Variants in PLCL1 observed in about 807,000 individuals in gnomAD.
The protein encoded by PLCL1 is phospholipase C like 1 (inactive).
PLCL1 carries 41 observed loss-of-function variants against 84.4 expected under a neutral mutation model. That is an observed-to-expected ratio of 0.49 (90% CI 0.38 to 0.63). PLCL1 has a LOEUF of 0.63. PLCL1 is among the 30% of genes least tolerant of loss of function. The pLI is 0.00. For synonymous variants in PLCL1, 490 were observed against 488.3 expected (o/e 1.00, Z -0.05); for missense variants, 1,206 against 1,367.8 (o/e 0.88, Z 1.87).
chr2:198,026,331 T>A (rs1449852574), intron 1 of PLCL1, among the ~76,000 whole-genome samples: 1 of 152,258 alleles, frequency 6.6e-6, no homozygotes, highest in African/African-American at 2.4e-5. Context: ...TTTTCCTTTA[T>A]GGAGTCTATT....
At chr2:198,076,500 G>A (rs1692579009) in intron 1 of PLCL1, among the ~76,000 whole-genome samples, 1 of 152,160 alleles carries the variant, frequency 6.6e-6, no homozygotes, top group Non-Finnish European at 1.5e-5. Context: ...CTTAGAAGAT[G>A]GTGTAGACAA....
At chr2:198,127,622 T>A (rs1056022110) in intron 5 of PLCL1, among the ~76,000 whole-genome samples, 1 of 152,198 alleles carries the variant, frequency 6.6e-6, no homozygotes, top group African/African-American at 2.4e-5. Flanking sequence ...TTTAAATGCC[T>A]ATTTACACAG....
At chr2:198,041,076 G>A (rs1347898655) in intron 1 of PLCL1, among the ~76,000 whole-genome samples, 1 of 152,198 alleles carries the variant, frequency 6.6e-6, no homozygotes, top group Non-Finnish European at 1.5e-5. Flanking sequence ...GCTGCCAGCA[G>A]TGTTAGCCTG....
At position 197,894,450 on chromosome 2, in the gene PLCL1, A is replaced by G. The variant is rs532737672; in HGVS notation, c.240+89111A>G. On this transcript the variant is annotated intron_variant, in intron 1 of 5. Coordinates refer to ENST00000428675, the MANE Select transcript of PLCL1 (RefSeq NM_006226.4). ...CACTTCTGGGGAAAGTCAAATTTAA[A>G]GAACTATAATTACATGGGAGAAGAG... 3.2e-4 allele frequency among the ~76,000 whole-genome samples: 49 copies of G among 152,150 alleles called. 1 individual carries two copies. In the South Asian group the frequency reaches 3.7e-3, roughly 12 times the overall value.
At chr2:197,973,646 G>A (rs771232571) in intron 1 of PLCL1, among the ~76,000 whole-genome samples, 1 of 152,164 alleles carries the variant, frequency 6.6e-6, no homozygotes, top group Non-Finnish European at 1.5e-5. Flanking sequence ...GATTGGCAAG[G>A]GAATGGTGGG....
intron 5 of PLCL1, among the ~76,000 whole-genome samples, chr2:198,108,226 A>T (rs1203688365): frequency 6.6e-6 from 1 of 151,950 alleles, no homozygotes; most frequent in East Asian, 1.9e-4. Flanking sequence ...TGGTTGAATG[A>T]TTAATAACCA....
chr2:197,810,320 C>A, intron 1 of PLCL1: 1 of 1,222,742 alleles, frequency 8.2e-7, no homozygotes, highest in Non-Finnish European at 1.1e-6. Context: ...GAATAAACTT[C>A]AGGTAAAGAG....
intron 1 of PLCL1, among the ~76,000 whole-genome samples, chr2:197,848,161 T>C (rs1001270610): frequency 6.6e-6 from 1 of 152,192 alleles, no homozygotes; most frequent in African/African-American, 2.4e-5. Flanking sequence ...TGTAAACAGA[T>C]GAGCTTCTGA....
chr2:198,028,448 C>T (rs1023242069), intron 1 of PLCL1, among the ~76,000 whole-genome samples: 16 of 152,174 alleles, frequency 1.1e-4, no homozygotes, highest in Non-Finnish European at 8.8e-5. Context: ...TGCCTTTGCT[C>T]AGAGTCCCTG....
intron 1 of PLCL1, among the ~76,000 whole-genome samples, chr2:197,946,905 G>T (rs569378866): frequency 3.3e-5 from 5 of 152,222 alleles, no homozygotes; most frequent in African/African-American, 1.2e-4. Flanking sequence ...TGCTTTCTGA[G>T]ACCTTCTACT....
intron 1 of PLCL1, among the ~76,000 whole-genome samples, chr2:197,918,075 A>T (rs1247946750): frequency 6.6e-6 from 1 of 152,250 alleles, no homozygotes; most frequent in Admixed American, 6.5e-5. Flanking sequence ...GTTAACCTCA[A>T]CAGTGAGAAA....
chr2:198,114,385 T>C (rs932297720), intron 5 of PLCL1, among the ~76,000 whole-genome samples: 1 of 151,822 alleles, frequency 6.6e-6, no homozygotes, highest in African/African-American at 2.4e-5. Flanking sequence ...CTGCATTTTA[T>C]AATGAATCTG....
At chr2:198,137,543 A>C (rs1694283267) in intron 5 of PLCL1, among the ~76,000 whole-genome samples, 1 of 152,160 alleles carries the variant, frequency 6.6e-6, no homozygotes, top group East Asian at 1.9e-4. Flanking sequence ...ACACTCTCCC[A>C]TACCATGTAT....
At chr2:197,840,481 C>T (rs1044138497) in intron 1 of PLCL1, among the ~76,000 whole-genome samples, 3 of 152,118 alleles carry the variant, frequency 2.0e-5, no homozygotes, top group African/African-American at 4.8e-5. Context: ...CTAACTTCTC[C>T]ATTTCATCAT....
chr2:198,064,398 T>A (rs577395683), intron 1 of PLCL1, among the ~76,000 whole-genome samples: 46 of 152,294 alleles, frequency 3.0e-4, no homozygotes, highest in African/African-American at 1.1e-3. Context: ...TAAAAAAATC[T>A]TCATTTCTAT....
chr2:198,065,016 C>T (rs557403068), intron 1 of PLCL1, among the ~76,000 whole-genome samples: 1 of 152,212 alleles, frequency 6.6e-6, no homozygotes, highest in South Asian at 2.1e-4. Context: ...TCTTCAAGAA[C>T]ATAGACTATG....
chr2:198,102,214 A>G (rs1382344594), intron 4 of PLCL1, among the ~76,000 whole-genome samples: 2 of 152,010 alleles, frequency 1.3e-5, no homozygotes, highest in Non-Finnish European at 2.9e-5. Flanking sequence ...AAAAATAATA[A>G]TACCTGATAC....
intron 1 of PLCL1, among the ~76,000 whole-genome samples, chr2:197,863,052 G>A (rs115186223): frequency 0.018 from 2,701 of 152,138 alleles, 83 homozygotes; most frequent in African/African-American, 0.059. Context: ...AATTAGAGAC[G>A]GTTGTTAGAA....
chr2:198,083,730 G>T, intron 1 of PLCL1, 28 bp from the exon 2 acceptor site: 1 of 1,455,834 alleles, frequency 6.9e-7, no homozygotes, highest in South Asian at 1.3e-5. Flanking sequence ...AAAGGAAATT[G>T]ATTCATTTTT....
Sources: gnomAD v4.1 joint callset for allele counts (sites outside exome capture counted in the v4.1 genomes callset) on GRCh38, gnomAD v4.1.1 for gene constraint, MANE v1.5 for transcripts, NCBI Gene and HGNC (gene_info 2026-07-23, HGNC 2026-07-21) for gene names.